CACNB2: variants seen among roughly 807,000 people sequenced by gnomAD.
The protein encoded by CACNB2 is voltage-dependent L-type calcium channel subunit beta-2.
In CACNB2, 42 loss-of-function variants were observed where a neutral mutation model predicts 73.3. That is an observed-to-expected ratio of 0.57 (90% CI 0.45 to 0.74). The LOEUF (loss-of-function observed/expected upper bound fraction) is 0.74, where lower values mean the gene tolerates loss of function less well. Among genes scored for constraint, CACNB2 ranks in the 30% least tolerant of loss-of-function variants. The pLI is 0.00. For synonymous variants in CACNB2, 348 were observed against 310.3 expected (o/e 1.12, Z -1.28); for missense variants, 940 against 853.0 (o/e 1.10, Z -1.27).
intron 2 of CACNB2, among the ~76,000 whole-genome samples, chr10:18,273,253 C>T (rs2038133320): frequency 6.6e-6 from 1 of 152,042 alleles, no homozygotes; most frequent in South Asian, 2.1e-4. Flanking sequence ...CTGGCTTGAT[C>T]TCCCCAGGTC....
chr10:18,394,630 C>G (rs1335077466), intron 2 of CACNB2, among the ~76,000 whole-genome samples: 2 of 152,106 alleles, frequency 1.3e-5, no homozygotes, highest in African/African-American at 2.4e-5. Context: ...TGCTTCGTGG[C>G]CTTGCTCAGG....
At chr10:18,255,877 C>T (rs2037266074) in intron 2 of CACNB2, among the ~76,000 whole-genome samples, 1 of 152,176 alleles carries the variant, frequency 6.6e-6, no homozygotes, top group African/African-American at 2.4e-5. Flanking sequence ...CTACAGAAGG[C>T]TTCTTTAGGT....
chr10:18,407,532 C>A (rs893140631), intron 3 of CACNB2, among the ~76,000 whole-genome samples: 1 of 151,992 alleles, frequency 6.6e-6, no homozygotes, highest in Non-Finnish European at 1.5e-5. Flanking sequence ...TGGTGTGCAC[C>A]TTTTTGTTTA....
In CACNB2 at chr10:18,180,868, AGAC is replaced by A. The variant is rs1159469520; in HGVS notation, c.213+29894_213+29896del. Reference sequence around the variant, plus strand: ...GTAATCCCAGCTACTCAGGAGGCTGAGACAGGAACATCGCTTGAACCCGGGAGA... The same window carrying A: ...GTAATCCCAGCTACTCAGGAGGCTGAAGGAACATCGCTTGAACCCGGGAGA... On this transcript the variant is annotated intron_variant, in intron 2 of 13. Coordinates refer to ENST00000324631, the MANE Select transcript of CACNB2 (RefSeq NM_201596.3). 2.0e-5 allele frequency among the ~76,000 whole-genome samples: 3 copies of A among 152,046 alleles called. No individual in the cohort carries two copies. In the East Asian group the frequency reaches 5.8e-4, roughly 29 times the overall value.
intron 2 of CACNB2, among the ~76,000 whole-genome samples, chr10:18,392,162 A>G (rs1365306741): frequency 2.6e-5 from 4 of 152,222 alleles, no homozygotes; most frequent in African/African-American, 9.6e-5. Context: ...CAAGGGGCCC[A>G]ACAAGGTTAG....
At chr10:18,186,688 C>G (rs1030483906) in intron 2 of CACNB2, among the ~76,000 whole-genome samples, 2 of 152,110 alleles carry the variant, frequency 1.3e-5, no homozygotes, top group African/African-American at 4.8e-5. Context: ...CACTCAGGAT[C>G]ATGAGGACAA....
At position 18,510,541 on chromosome 10, in the gene CACNB2, G is replaced by T. The variant is rs561025991; in HGVS notation, c.671-3695G>T. ...TGGCCTCGAATTCCTGACCTCAAGT[G>T]ATCCACCCACCATGGCTTCCCAAAC... On this transcript the variant is annotated intron_variant, in intron 6 of 13. Transcript: ENST00000324631. Among the ~76,000 whole-genome samples, 4 of 152,280 alleles carry T rather than the reference G, an allele frequency of 2.6e-5. No homozygotes were observed. In the South Asian group the frequency reaches 8.3e-4, roughly 32 times the overall value.
At chr10:18,499,617 GAAAA>G (rs59492615) in intron 4 of CACNB2, among the ~76,000 whole-genome samples, 1 of 99,658 alleles carries the variant, frequency 1.0e-5, no homozygotes, top group Non-Finnish European at 1.9e-5. Context: ...CTGTCTCAAA[GAAAA>G]AAAAAAAAAA....
At chr10:18,350,398 A>C (rs897712351) in intron 2 of CACNB2, among the ~76,000 whole-genome samples, 2 of 152,202 alleles carry the variant, frequency 1.3e-5, no homozygotes, top group Non-Finnish European at 2.9e-5. Flanking sequence ...TCCGTGGAAA[A>C]AGCAGGAATT....
chr10:18,173,457 G>T (rs930371933), intron 2 of CACNB2, among the ~76,000 whole-genome samples: 7 of 152,160 alleles, frequency 4.6e-5, no homozygotes, highest in African/African-American at 1.7e-4. Flanking sequence ...TGTTAGGATG[G>T]TGTATATACT....
At chr10:18,293,166 ACT>A (rs1279773502) in intron 2 of CACNB2, among the ~76,000 whole-genome samples, 1 of 152,090 alleles carries the variant, frequency 6.6e-6, no homozygotes, top group Non-Finnish European at 1.5e-5. Flanking sequence ...TTGAAACACA[ACT>A]CTCAAAATTA....
intron 9 of CACNB2, among the ~76,000 whole-genome samples, chr10:18,524,180 A>G (rs2052206031): frequency 6.6e-6 from 1 of 152,142 alleles, no homozygotes; most frequent in South Asian, 2.1e-4. Flanking sequence ...GAGAACAAGA[A>G]GGAAAGCTAC....
intron 2 of CACNB2, among the ~76,000 whole-genome samples, chr10:18,300,306 G>A (rs1412737918): frequency 6.6e-6 from 1 of 152,200 alleles, no homozygotes; most frequent in Non-Finnish European, 1.5e-5. Context: ...ATAGGCGTGA[G>A]CCACCACGCC....
chr10:18,495,074 A>G (rs2049708304), intron 3 of CACNB2, among the ~76,000 whole-genome samples: 2 of 152,172 alleles, frequency 1.3e-5, no homozygotes, highest in Admixed American at 1.3e-4. Context: ...GACACATGCT[A>G]CCTCTGGGAC....
Position 18,351,247 on chromosome 10 carries a change from T to C in CACNB2, c.214-50677T>C, listed in dbSNP as rs994524036. 2.0e-5 allele frequency among the ~76,000 whole-genome samples: 3 copies of C among 152,198 alleles called. No homozygotes were observed. The South Asian group carries it at 6.2e-4, about 32-fold the overall frequency. On this transcript the variant is annotated intron_variant, in intron 2 of 13. Coordinates refer to ENST00000324631, the MANE Select transcript of CACNB2 (RefSeq NM_201596.3). ...TTAAAATATGTTTCTTTTGCAAATA[T>C]AGGCTTAGGACTAAATATATTCTGT...
intron 2 of CACNB2, among the ~76,000 whole-genome samples, chr10:18,236,534 C>T (rs1250022130): frequency 6.6e-6 from 1 of 152,162 alleles, no homozygotes; most frequent in Non-Finnish European, 1.5e-5. Context: ...GAGCAAGGGG[C>T]CACCTTCTGC....
chr10:18,165,363 C>G (rs553051840), intron 2 of CACNB2, among the ~76,000 whole-genome samples: 1 of 152,150 alleles, frequency 6.6e-6, no homozygotes, highest in Non-Finnish European at 1.5e-5. Flanking sequence ...CTGAAGGTGT[C>G]GATGTCAAAA....
At chr10:18,189,080 G>A (rs1026106227) in intron 2 of CACNB2, among the ~76,000 whole-genome samples, 15 of 152,020 alleles carry the variant, frequency 9.9e-5, no homozygotes, top group Admixed American at 7.2e-4. Flanking sequence ...TCTTGCCTCC[G>A]CCTCCCAAGT....
At chr10:18,292,103 C>T (rs1336850996) in intron 2 of CACNB2, among the ~76,000 whole-genome samples, 1 of 152,068 alleles carries the variant, frequency 6.6e-6, no homozygotes, top group Non-Finnish European at 1.5e-5. Context: ...GTTTTCAACT[C>T]CAAAACTGTT....
Sources: allele counts gnomAD v4.1 joint callset (sites outside exome capture counted in the v4.1 genomes callset), GRCh38; gene constraint gnomAD v4.1.1; transcripts MANE v1.5; gene names NCBI Gene and HGNC (gene_info 2026-07-23, HGNC 2026-07-21).